PAK2: variants seen among roughly 807,000 people sequenced by gnomAD.
PAK2 encodes the protein p21 (RAC1) activated kinase 2.
In PAK2, 21 loss-of-function variants were observed where a neutral mutation model predicts 65.9. The ratio of observed to expected loss-of-function variants is 0.32; its 90% CI spans 0.23 to 0.46. The LOEUF (loss-of-function observed/expected upper bound fraction) is 0.46. Among genes scored for constraint, PAK2 ranks in the 20% least tolerant of loss-of-function variants. The pLI, the probability that PAK2 is intolerant of heterozygous loss-of-function variation, is 1.00. For synonymous variants in PAK2, 204 were observed against 219.7 expected (o/e 0.93, Z 0.63); for missense variants, 324 against 642.6 (o/e 0.50, Z 5.36).
chr3:196,761,844 CCA>C (rs1491134436), intron 1 of PAK2, among the ~76,000 whole-genome samples: 2 of 146,204 alleles, frequency 1.4e-5, no homozygotes, highest in Admixed American at 1.4e-4. Context: ...TGACCCCCCC[CCA>C]CCTCCCTCCC....
rs1365888185 is a variant in PAK2, at chr3:196,791,306, G to A, written c.187+8473G>A. On this transcript the variant is annotated intron_variant, in intron 2 of 14. Coordinates refer to ENST00000327134, the MANE Select transcript of PAK2 (RefSeq NM_002577.4). The surrounding 1 kb of genome is among the most constrained non-coding windows in gnomAD (Gnocchi z 4.0). Reference sequence around the variant, plus strand: ...AAATACAGAGAGTACCTGTATGTGTGTTATGTAAAAACAAATGGCATTGAA... The same window carrying A: ...AAATACAGAGAGTACCTGTATGTGTATTATGTAAAAACAAATGGCATTGAA... 3.3e-5 allele frequency among the ~76,000 whole-genome samples: 5 copies of A among 152,132 alleles called. No homozygotes were observed. Among genetic ancestry groups the A allele is most frequent in the Non-Finnish European group, 5.9e-5 (4 of 68,016 alleles).
intron 4 of PAK2, 71 bp from the exon 5 acceptor site, chr3:196,805,281 T>A (rs1482810866): frequency 1.5e-5 from 12 of 795,022 alleles, no homozygotes; most frequent in Non-Finnish European, 2.1e-5. Context: ...TCTCTGCTTT[T>A]TTTTTTTCCT....
intron 1 of PAK2, among the ~76,000 whole-genome samples, chr3:196,775,813 T>C (rs746454755): frequency 6.6e-6 from 1 of 152,236 alleles, no homozygotes; most frequent in Admixed American, 6.5e-5. Context: ...TTTCTGATAC[T>C]GTAATGAAAA....
chr3:196,823,793 C>T (rs558367802), intron 13 of PAK2, among the ~76,000 whole-genome samples: 1 of 138,482 alleles, frequency 7.2e-6, no homozygotes, highest in African/African-American at 2.7e-5. Context: ...AACTGGGCGA[C>T]AGGGAGAGAT....
At chr3:196,815,358 GGT>G (rs1715977621) in intron 11 of PAK2, among the ~76,000 whole-genome samples, 1 of 151,832 alleles carries the variant, frequency 6.6e-6, no homozygotes, top group East Asian at 1.9e-4. Flanking sequence ...CAGGCATGGT[GGT>G]GCACGCCTGT....
intron 1 of PAK2, among the ~76,000 whole-genome samples, chr3:196,753,871 T>G (rs1713689087): frequency 6.6e-6 from 1 of 152,238 alleles, no homozygotes; most frequent in African/African-American, 2.4e-5. Context: ...CTTATGATCT[T>G]TGTACTTGGT....
At chr3:196,795,088 C>G (rs1241337464) in intron 2 of PAK2, among the ~76,000 whole-genome samples, 1 of 152,046 alleles carries the variant, frequency 6.6e-6, no homozygotes, top group Non-Finnish European at 1.5e-5. Context: ...CCCACAGATT[C>G]AAGAAATTTA....
Position 196,753,038 on chromosome 3 carries a change from T to G in PAK2, c.-22+12881T>G, listed in dbSNP as rs1398160356. Among the ~76,000 whole-genome samples, 4 of 151,176 alleles carry G rather than the reference T, an allele frequency of 2.6e-5. No homozygotes were observed. In the East Asian group the frequency reaches 7.8e-4, roughly 30 times the overall value. Reference sequence around the variant, plus strand: ...CTGTGTCACCCAGGCTGGAGTGCAGTGGTGCCGATGGCTCACTGCAACTTC... The same window carrying G: ...CTGTGTCACCCAGGCTGGAGTGCAGGGGTGCCGATGGCTCACTGCAACTTC... On this transcript the variant is annotated intron_variant, in intron 1 of 14. Coordinates refer to ENST00000327134, the MANE Select transcript of PAK2 (RefSeq NM_002577.4).
chr3:196,757,973 T>G (rs898467940), intron 1 of PAK2, among the ~76,000 whole-genome samples: 2 of 152,192 alleles, frequency 1.3e-5, no homozygotes, highest in African/African-American at 4.8e-5. Flanking sequence ...TTAAAAGAGA[T>G]AGAACAGTGA....
chr3:196,822,277 T>C (rs1711680848), intron 13 of PAK2, among the ~76,000 whole-genome samples: 1 of 152,206 alleles, frequency 6.6e-6, no homozygotes, highest in African/African-American at 2.4e-5. Context: ...TTACAGAACT[T>C]GTCTTCTAGT....
chr3:196,815,043 G>T (rs191340465), intron 11 of PAK2, among the ~76,000 whole-genome samples: 2 of 152,048 alleles, frequency 1.3e-5, no homozygotes, highest in Admixed American at 6.6e-5. Context: ...AGCCGGGCGT[G>T]TTGGCAGGTA....
At position 196,782,838 on chromosome 3, in the gene PAK2, A is replaced by G. The variant is rs776938911; in HGVS notation, c.187+5A>G. The stretch of plus-strand genomic sequence containing the variant: ...TATTCTCAGGCACAGAGAAAGGTAA[A>G]TAGCGCTTCTGGCTTTCAGAGTCTC... On this transcript the variant is annotated splice_donor_5th_base_variant and intron_variant, in intron 2 of 14. Transcript: ENST00000327134. The G allele has an allele frequency of 1.3e-6, 2 of 1,595,236 alleles. No individual in the cohort carries two copies. Among genetic ancestry groups the G allele is most frequent in the Admixed American group, 3.5e-5 (2 of 57,270 alleles).
rs952137661 is a variant in PAK2, at chr3:196,829,167, T to A, written c.*762T>A. On this transcript the variant is annotated 3_prime_UTR_variant, in exon 15 of 15. Transcript: ENST00000327134. ...CATTGAGATAGAAAAAGATTCCCAT[T>A]GACTGTAGACTTCTTCCCATTTTGT... is the stretch of plus-strand genomic sequence containing the variant. 3.3e-5 allele frequency: 5 copies of A among 152,658 alleles called. No individual in the cohort carries two copies. The highest frequency in any genetic ancestry group is 5.9e-5 in the Non-Finnish European group (4 of 68,044). The allele number at this position is 152,658 out of a possible 1,614,324, so 9.5% of individuals were successfully genotyped here.
intron 1 of PAK2, among the ~76,000 whole-genome samples, chr3:196,757,069 C>G (rs2108716063): frequency 6.6e-6 from 1 of 152,282 alleles, no homozygotes; most frequent in South Asian, 2.1e-4. Context: ...TTGGACTGCA[C>G]TGTCTAAGCT....
intron 2 of PAK2, among the ~76,000 whole-genome samples, chr3:196,795,545 C>T (rs1438987466): frequency 6.6e-6 from 1 of 151,854 alleles, no homozygotes; most frequent in African/African-American, 2.4e-5. Flanking sequence ...ATGAAAGACT[C>T]ATTATATATA....
At chr3:196,740,714 G>GGT (rs1475022553) in intron 1 of PAK2, among the ~76,000 whole-genome samples, 15 of 152,278 alleles carry the variant, frequency 9.9e-5, no homozygotes, top group Non-Finnish European at 1.6e-4. Flanking sequence ...GGGCGCTTGA[G>GGT]GGCCACCGCT....
intron 1 of PAK2, among the ~76,000 whole-genome samples, chr3:196,751,676 T>TATATATATATATATATATATATA (rs1363293456): frequency 5.2e-5 from 2 of 38,296 alleles, no homozygotes; most frequent in African/African-American, 2.8e-4. Context: ...TTTATATACA[T>TATATATATATATATATATATATA]ATATATATAT....
At chr3:196,765,980 A>G (rs1714151340) in intron 1 of PAK2, among the ~76,000 whole-genome samples, 1 of 151,126 alleles carries the variant, frequency 6.6e-6, no homozygotes, top group Non-Finnish European at 1.5e-5. Context: ...GCTCACTGCA[A>G]GCTCCACCTC....
At position 196,832,481 on chromosome 3, in the gene PAK2, T is replaced by G. The variant is rs1016130910; in HGVS notation, c.*4076T>G. 9 of 152,092 alleles carry G rather than the reference T, an allele frequency of 5.9e-5. No individual in the cohort carries two copies. Among genetic ancestry groups the G allele is most frequent in the African/African-American group, 9.7e-5 (4 of 41,446 alleles). 9.4% of individuals were successfully genotyped at this position (152,092 alleles called of 1,614,324 possible). A position where few individuals can be genotyped will look rare whatever the true frequency, so the allele number is the denominator to read the frequency against. On this transcript the variant is annotated 3_prime_UTR_variant, in exon 15 of 15. Transcript: ENST00000327134. ...CTTTCAGGGCTAGAAATAAACTTTT[T>G]AAAAAAAGTGTGCATTTTTCCCTTT...
Sources: allele counts gnomAD v4.1 joint callset (sites outside exome capture counted in the v4.1 genomes callset), GRCh38; gene constraint gnomAD v4.1.1; non-coding constraint Gnocchi (gnomAD v3.1); transcripts MANE v1.5; gene names NCBI Gene and HGNC (gene_info 2026-07-23, HGNC 2026-07-21).